DPYD: variants seen among roughly 807,000 people sequenced by gnomAD.
DPYD encodes dihydropyrimidine dehydrogenase.
DPYD carries 109 observed loss-of-function variants against 116.2 expected under a neutral mutation model. The observed-to-expected ratio is 0.94, with a 90% CI of 0.80 to 1.10. The LOEUF is 1.10. Ranked by LOEUF, DPYD falls within the 50% of genes least tolerant of loss-of-function variation. DPYD has a pLI of 0.00. For missense variants in DPYD, 1,302 were observed against 1,254.5 expected (o/e 1.04, Z -0.57); for synonymous variants, 440 against 432.0 (o/e 1.02, Z -0.23).
chr1:97,469,076 C>G (rs943110628), intron 13 of DPYD, among the ~76,000 whole-genome samples: 2 of 152,058 alleles, frequency 1.3e-5, no homozygotes, highest in African/African-American at 4.8e-5. Context: ...TAGATAGTCA[C>G]CACTAATGTT....
chr1:97,479,288 G>A (rs1678168880), intron 13 of DPYD, among the ~76,000 whole-genome samples: 1 of 152,156 alleles, frequency 6.6e-6, no homozygotes, highest in African/African-American at 2.4e-5. Context: ...AAAGTGAGAT[G>A]AGTTAGTCTT....
chr1:97,190,339 T>C (rs1017181234), intron 20 of DPYD, among the ~76,000 whole-genome samples: 2 of 152,198 alleles, frequency 1.3e-5, no homozygotes, highest in Admixed American at 6.6e-5. Flanking sequence ...CTATTCTCTT[T>C]TTTGTCCCTT....
At chr1:97,564,462 C>G (rs1056945778) in intron 11 of DPYD, among the ~76,000 whole-genome samples, 12 of 152,270 alleles carry the variant, frequency 7.9e-5, no homozygotes, top group African/African-American at 2.9e-4. Context: ...AATCAATGAA[C>G]AGCTCCTGCT....
At chr1:97,766,634 T>A (rs1315100123) in intron 3 of DPYD, among the ~76,000 whole-genome samples, 1 of 152,110 alleles carries the variant, frequency 6.6e-6, no homozygotes, top group African/African-American at 2.4e-5. Flanking sequence ...AGGGGAAGGG[T>A]GCTTCTAGAA....
intron 14 of DPYD, among the ~76,000 whole-genome samples, chr1:97,409,901 A>T (rs1448442160): frequency 6.6e-6 from 1 of 152,082 alleles, no homozygotes; most frequent in Non-Finnish European, 1.5e-5. Context: ...AAAATGGTGA[A>T]ACCCTATCTC....
At chr1:97,479,766 G>C (rs963984743) in intron 13 of DPYD, among the ~76,000 whole-genome samples, 3 of 152,182 alleles carry the variant, frequency 2.0e-5, no homozygotes, top group Non-Finnish European at 2.9e-5. Flanking sequence ...GGTATGTTTG[G>C]AATAAGGTAT....
intron 4 of DPYD, 82 bp from the exon 5 acceptor site, chr1:97,721,753 T>C: frequency 1.5e-6 from 2 of 1,313,698 alleles, no homozygotes; most frequent in Non-Finnish European, 2.1e-6. Flanking sequence ...TTATTTCTTC[T>C]ACTAGGTAAT....
chr1:97,351,108 CTTAT>C (rs900821799), intron 16 of DPYD, among the ~76,000 whole-genome samples: 3 of 152,106 alleles, frequency 2.0e-5, no homozygotes, highest in African/African-American at 4.8e-5. Flanking sequence ...ATCACATTTG[CTTAT>C]TTATTTTCAG....
At chr1:97,902,974 G>GATAT (rs1256573614) in intron 1 of DPYD, among the ~76,000 whole-genome samples, 2 of 151,820 alleles carry the variant, frequency 1.3e-5, no homozygotes, top group African/African-American at 4.8e-5. Context: ...CTTACTCAAA[G>GATAT]ATATAAACAT....
At chr1:97,583,302 A>G (rs1211011521) in intron 10 of DPYD, among the ~76,000 whole-genome samples, 1 of 152,048 alleles carries the variant, frequency 6.6e-6, no homozygotes, top group Admixed American at 6.6e-5. Flanking sequence ...TTCATTTACT[A>G]TTGATGACAT....
chr1:97,264,162 GTTTTTTTTTTTTTT>G (rs71071641), intron 18 of DPYD, among the ~76,000 whole-genome samples: 122 of 60,084 alleles, frequency 2.0e-3, no homozygotes, highest in South Asian at 2.4e-3. Context: ...GCAAAATTCT[GTTTTTTTTTTTTTT>G]TTTTTTTTTT....
At chr1:97,242,122 G>GTATATATATATATATATA (rs1353473800) in intron 18 of DPYD, among the ~76,000 whole-genome samples, 1 of 71,590 alleles carries the variant, frequency 1.4e-5, no homozygotes, top group Non-Finnish European at 2.8e-5. Flanking sequence ...GTGTGTGCGT[G>GTATATATATATATATATA]TGTATATATA....
At chr1:97,206,829 TTGTA>T (rs1450520851) in intron 19 of DPYD, among the ~76,000 whole-genome samples, 1 of 151,024 alleles carries the variant, frequency 6.6e-6, no homozygotes, top group Non-Finnish European at 1.5e-5. Context: ...ACACACAATA[TTGTA>T]TGTATGATAT....
intron 21 of DPYD, among the ~76,000 whole-genome samples, chr1:97,086,598 A>G (rs1649538281): frequency 6.6e-6 from 1 of 152,154 alleles, no homozygotes; most frequent in African/African-American, 2.4e-5. Flanking sequence ...ATTAGCATGT[A>G]TCATATCAGT....
intron 14 of DPYD, among the ~76,000 whole-genome samples, chr1:97,390,518 T>C (rs981539264): frequency 2.6e-5 from 4 of 152,072 alleles, no homozygotes; most frequent in Admixed American, 1.3e-4. Context: ...TCCTGAAATA[T>C]ATACATTGAC....
At chr1:97,833,883 C>T (rs1483886365) in intron 2 of DPYD, among the ~76,000 whole-genome samples, 1 of 151,892 alleles carries the variant, frequency 6.6e-6, no homozygotes, top group Non-Finnish European at 1.5e-5. Context: ...GGTCATAAGA[C>T]TCCTATGAGA....
chr1:97,606,489 G>A (rs1280766958), intron 8 of DPYD, among the ~76,000 whole-genome samples: 1 of 151,902 alleles, frequency 6.6e-6, no homozygotes, highest in East Asian at 1.9e-4. Flanking sequence ...TCCAGTCATA[G>A]AAAAAGGGGG....
intron 8 of DPYD, among the ~76,000 whole-genome samples, chr1:97,664,225 T>C (rs547231671): frequency 6.6e-5 from 10 of 152,112 alleles, no homozygotes. Context: ...ATTTTATCAA[T>C]GATAAAGTTG....
chr1:97,143,052 T>C (rs1329261330), intron 20 of DPYD, among the ~76,000 whole-genome samples: 1 of 152,056 alleles, frequency 6.6e-6, no homozygotes, highest in Admixed American at 6.6e-5. Context: ...TCATAGCTTT[T>C]TTTTCCTGTC....
Sources: allele counts gnomAD v4.1 joint callset (sites outside exome capture counted in the v4.1 genomes callset), GRCh38; gene constraint gnomAD v4.1.1; transcripts MANE v1.5; gene names NCBI Gene and HGNC (gene_info 2026-07-23, HGNC 2026-07-21).